NCKAP5: variants seen among roughly 807,000 people sequenced by gnomAD.
NCKAP5 encodes the protein nck-associated protein 5.
Under a neutral mutation model 167.0 loss-of-function variants are expected in NCKAP5, and 92 were observed. The observed-to-expected ratio is 0.55, with a 90% CI of 0.47 to 0.66. The LOEUF (loss-of-function observed/expected upper bound fraction) is 0.66. NCKAP5 is among the 30% of genes least tolerant of loss of function. The pLI is 0.00. For synonymous variants in NCKAP5, 891 were observed against 877.4 expected, an observed-to-expected ratio of 1.02 and a Z score of -0.27; for missense variants, 2,378 against 2,315.0, an observed-to-expected ratio of 1.03 and a Z score of -0.56.
intron 5 of NCKAP5, among the ~76,000 whole-genome samples, chr2:133,130,361 C>G (rs1167368282): frequency 6.6e-6 from 1 of 152,176 alleles, no homozygotes; most frequent in Non-Finnish European, 1.5e-5. Context: ...TGACTTAATT[C>G]TAACACTTGA....
intron 6 of NCKAP5, among the ~76,000 whole-genome samples, chr2:133,080,987 G>A (rs1031363106): frequency 6.6e-6 from 1 of 152,098 alleles, no homozygotes; most frequent in Non-Finnish European, 1.5e-5. Context: ...TGAAGAGCAT[G>A]GGCAGAAGCA....
At chr2:133,322,384 TAG>T (rs1286371340) in intron 3 of NCKAP5, among the ~76,000 whole-genome samples, 1 of 152,200 alleles carries the variant, frequency 6.6e-6, no homozygotes, top group Non-Finnish European at 1.5e-5. Flanking sequence ...AATGAAAGCT[TAG>T]AGAGTGAGCT....
rs1453401643 is a variant in NCKAP5 at position 132,781,334 on chromosome 2, T to A, written c.4872-105A>T. On this transcript the variant is annotated intron_variant, in intron 14 of 19. Coordinates refer to ENST00000409261, the MANE Select transcript of NCKAP5 (RefSeq NM_207363.3). ...TTTAAAGTAACCTCTTTGTAGCTCT[T>A]TGTCTTTAAACCTTTGACGGATAAG... The A allele has an allele frequency of 4.5e-6, 5 of 1,121,320 alleles. No individual in the cohort carries two copies. In the African/African-American group the frequency reaches 7.9e-5, roughly 18 times the overall value. 69.5% of individuals were successfully genotyped at this position (1,121,320 alleles called of 1,614,324 possible). A position where few individuals can be genotyped will look rare whatever the true frequency, so the allele number is the denominator to read the frequency against.
chr2:133,182,365 G>C (rs2084774945), intron 5 of NCKAP5, among the ~76,000 whole-genome samples: 1 of 152,132 alleles, frequency 6.6e-6, no homozygotes, highest in African/African-American at 2.4e-5. Context: ...CATTTGCCAA[G>C]ATAGACCATA....
chr2:133,214,074 C>T (rs191790216), intron 4 of NCKAP5, among the ~76,000 whole-genome samples: 40 of 152,214 alleles, frequency 2.6e-4, no homozygotes, highest in African/African-American at 8.9e-4. Flanking sequence ...TTTTTCATGG[C>T]TATAGTATTT....
In NCKAP5 at chr2:132,782,624, C is replaced by T; in HGVS notation, c.4187G>A (p.Cys1396Tyr). 6.3e-7 allele frequency: 1 copy of T among 1,599,082 alleles called. No individual in the cohort carries two copies. The highest frequency in any genetic ancestry group is 8.5e-7 in the Non-Finnish European group (1 of 1,172,472). Residue 1396 changes from cysteine to tyrosine, a missense_variant, in exon 14 of 20, where the codon TGC becomes TAC. This residue lies in a region of NCKAP5 where 1,325 missense variants were observed against 1,274.5 expected (regional missense o/e 1.04). Transcript: ENST00000409261. The part of the protein sequence containing the change: ...EDQQAFTQGE[C>Y]PSANVAVLGE... The stretch of plus-strand genomic sequence containing the variant: ...AAGTACAGCCACATTGGCACTGGGG[C>T]ACTCTCCCTGGGTGAAGGCCTGCTG...
At chr2:132,883,995 A>C (rs1217860808) in intron 8 of NCKAP5, among the ~76,000 whole-genome samples, 1 of 152,182 alleles carries the variant, frequency 6.6e-6, no homozygotes, top group Non-Finnish European at 1.5e-5. Flanking sequence ...TTTGAGAGTG[A>C]CTTGCCATTT....
chr2:133,406,344 A>T (rs1461241897), intron 3 of NCKAP5, among the ~76,000 whole-genome samples: 1 of 152,226 alleles, frequency 6.6e-6, no homozygotes, highest in Non-Finnish European at 1.5e-5. Context: ...AAGAAAAGTT[A>T]TGCAGAAGTA....
At chr2:133,477,905 G>T (rs1204756248) in intron 3 of NCKAP5, among the ~76,000 whole-genome samples, 1 of 152,106 alleles carries the variant, frequency 6.6e-6, no homozygotes, top group African/African-American at 2.4e-5. Context: ...TAAAACCTAT[G>T]AATTATTTAT....
intron 8 of NCKAP5, among the ~76,000 whole-genome samples, chr2:132,885,932 C>A (rs998782235): frequency 6.6e-6 from 1 of 152,214 alleles, no homozygotes; most frequent in Non-Finnish European, 1.5e-5. Context: ...ACCTCTTATA[C>A]TTTGTCTCCA....
intron 5 of NCKAP5, among the ~76,000 whole-genome samples, chr2:133,139,298 A>G (rs1389306558): frequency 6.6e-6 from 1 of 152,218 alleles, no homozygotes; most frequent in Admixed American, 6.5e-5. Context: ...AATTACAAAT[A>G]ACATTAGTGG....
chr2:132,898,815 A>G (rs1693402282), intron 8 of NCKAP5, among the ~76,000 whole-genome samples: 1 of 152,242 alleles, frequency 6.6e-6, no homozygotes, highest in South Asian at 2.1e-4. Flanking sequence ...TGCTGTAAAC[A>G]CATATGTTGT....
chr2:133,565,943 C>T (rs1016030079), intron 1 of NCKAP5, among the ~76,000 whole-genome samples: 1 of 152,146 alleles, frequency 6.6e-6, no homozygotes, highest in Non-Finnish European at 1.5e-5. Context: ...CCCTTGCTTT[C>T]GACGGAAAGA....
chr2:133,069,088 T>C (rs2080297364), intron 6 of NCKAP5, among the ~76,000 whole-genome samples: 1 of 152,212 alleles, frequency 6.6e-6, no homozygotes. Flanking sequence ...GATCCAGTAC[T>C]GACTTGAGAA....
the NCKAP5 span, among the ~76,000 whole-genome samples, chr2:133,598,179 T>C: frequency 1.3e-5 from 2 of 152,180 alleles, no homozygotes; most frequent in Non-Finnish European, 2.9e-5. Flanking sequence ...TTCATCAGAT[T>C]GCTGTGAGGA....
chr2:133,144,363 T>C (rs2083109638), intron 5 of NCKAP5, among the ~76,000 whole-genome samples: 1 of 152,090 alleles, frequency 6.6e-6, no homozygotes, highest in Non-Finnish European at 1.5e-5. Flanking sequence ...GGGAAATAGC[T>C]CAGCCATAGT....
At chr2:133,196,078 C>A (rs1166904918) in intron 5 of NCKAP5, among the ~76,000 whole-genome samples, 2 of 152,074 alleles carry the variant, frequency 1.3e-5, no homozygotes, top group Non-Finnish European at 1.5e-5. Context: ...TAGAAGAAAC[C>A]AGGTAACGTT....
rs376187090 is a variant in NCKAP5, at chr2:133,112,201, G to A, written c.341+17777C>T. Reference sequence around the variant, plus strand: ...TTAAAATAGGTATGCTAGGTATGGCGTGGTGGCTCACACCTGTAATCCCAG... The same window carrying A: ...TTAAAATAGGTATGCTAGGTATGGCATGGTGGCTCACACCTGTAATCCCAG... On this transcript the variant is annotated intron_variant, in intron 6 of 19. Transcript: ENST00000409261. 4.9e-4 allele frequency among the ~76,000 whole-genome samples: 74 copies of A among 152,238 alleles called. 1 individual carries two copies. The highest frequency in any genetic ancestry group is 6.8e-3 in the Middle Eastern group (2 of 294).
intron 8 of NCKAP5, among the ~76,000 whole-genome samples, chr2:132,909,669 T>G (rs1694288995): frequency 6.6e-6 from 1 of 152,188 alleles, no homozygotes; most frequent in Non-Finnish European, 1.5e-5. Context: ...CATTGATTCA[T>G]CCATTGGGAT....
Sources: allele counts gnomAD v4.1 joint callset (sites outside exome capture counted in the v4.1 genomes callset), GRCh38; gene constraint gnomAD v4.1.1; regional missense constraint gnomAD v4.1.1; transcripts MANE v1.5; gene names NCBI Gene and HGNC (gene_info 2026-07-23, HGNC 2026-07-21).